Variants in TLN2 observed in about 807,000 individuals in gnomAD.
TLN2 encodes the protein talin 2.
Under a neutral mutation model 294.7 loss-of-function variants are expected in TLN2, and 118 were observed. The observed-to-expected ratio is 0.40, with a 90% confidence interval of 0.34 to 0.47. The LOEUF (loss-of-function observed/expected upper bound fraction) is 0.47, where lower values mean the gene tolerates loss of function less well. Among genes scored for constraint, TLN2 ranks in the 20% least tolerant of loss-of-function variants. TLN2 has a pLI of 0.84. For missense variants in TLN2, 3,083 were observed against 3,282.2 expected, an observed-to-expected ratio of 0.94 and a Z score of 1.48; for synonymous variants, 1,431 against 1,304.5, an observed-to-expected ratio of 1.10 and a Z score of -2.09.
chr15:62,648,330 A>T (rs545253532), intron 4 of TLN2, among the ~76,000 whole-genome samples: 338 of 145,672 alleles, frequency 2.3e-3, no homozygotes, highest in Non-Finnish European at 3.7e-3. Context: ...GTTTCAACCC[A>T]GGAGTTTATG....
intron 1 of TLN2, among the ~76,000 whole-genome samples, chr15:62,492,183 G>A (rs1165596461): frequency 6.6e-6 from 1 of 152,064 alleles, no homozygotes; most frequent in Non-Finnish European, 1.5e-5. Context: ...CGGACGCGGT[G>A]GCTCACGCCT....
intron 1 of TLN2, among the ~76,000 whole-genome samples, chr15:62,469,743 A>C (rs538469441): frequency 1.3e-5 from 2 of 152,234 alleles, no homozygotes; most frequent in Admixed American, 6.5e-5. Flanking sequence ...TAATGAAGGA[A>C]ATATTTTAAT....
chr15:62,726,980 G>A, intron 27 of TLN2, 107 bp from the exon 28 acceptor site: 1 of 1,160,738 alleles, frequency 8.6e-7, no homozygotes, highest in Non-Finnish European at 1.2e-6. Flanking sequence ...TGGTGGGAAA[G>A]AGCTAGGGCT....
chr15:62,689,268 A>G (rs1012656164), intron 12 of TLN2, among the ~76,000 whole-genome samples: 2 of 151,978 alleles, frequency 1.3e-5, no homozygotes, highest in Non-Finnish European at 2.9e-5. Context: ...CCTTACTTCC[A>G]TTTAGGTCTT....
intron 1 of TLN2, among the ~76,000 whole-genome samples, chr15:62,538,473 G>C (rs1220122089): frequency 6.6e-6 from 1 of 152,172 alleles, no homozygotes. Flanking sequence ...GAACTCAGCT[G>C]TGTCAGATGA....
At chr15:62,566,650 G>A (rs1302776818) in intron 1 of TLN2, among the ~76,000 whole-genome samples, 3 of 149,420 alleles carry the variant, frequency 2.0e-5, no homozygotes, top group Non-Finnish European at 4.4e-5. Flanking sequence ...TTGAGATAGG[G>A]CCTTGCTGTG....
intron 55 of TLN2, 21 bp downstream of exon 55, chr15:62,833,650 C>T: frequency 1.2e-6 from 2 of 1,611,610 alleles, no homozygotes; most frequent in East Asian, 2.2e-5. Context: ...CCGCTGACCA[C>T]ATGCGGGACA....
At chr15:62,411,065 A>ACTT (rs1286187031) in intron 1 of TLN2, among the ~76,000 whole-genome samples, 1 of 152,200 alleles carries the variant, frequency 6.6e-6, no homozygotes, top group Non-Finnish European at 1.5e-5. Flanking sequence ...GGTGTCTACC[A>ACTT]AGTGCATGGT....
intron 1 of TLN2, among the ~76,000 whole-genome samples, chr15:62,467,685 A>G (rs371681429): frequency 7.6e-4 from 1 of 1,324 alleles, no homozygotes; most frequent in African/African-American, 8.0e-4. Flanking sequence ...ACTCTGTCTC[A>G]AAAAAAAAAT....
In TLN2 at chr15:62,800,906, G is replaced by C. The variant is rs1312971501; in HGVS notation, c.6477+137G>C. On this transcript the variant is annotated intron_variant, in intron 50 of 58. Coordinates refer to ENST00000636159, the MANE Select transcript of TLN2 (RefSeq NM_015059.3). Reference sequence around the variant, plus strand: ...AGAATGCCCCTTCACCTGCCTGCTGGTAGCTTTATATAATTGAGACCCCAT... The same window carrying C: ...AGAATGCCCCTTCACCTGCCTGCTGCTAGCTTTATATAATTGAGACCCCAT... 4.4e-6 allele frequency: 3 copies of C among 674,824 alleles called. No individual in the cohort carries two copies. The East Asian group carries it at 8.2e-5, about 18-fold the overall frequency. The allele number at this position is 674,824 out of a possible 1,614,324, so 41.8% of individuals were successfully genotyped here. A position where few individuals can be genotyped will look rare whatever the true frequency, so the allele number is the denominator to read the frequency against.
chr15:62,550,195 TA>T, intron 1 of TLN2, among the ~76,000 whole-genome samples: 1 of 152,042 alleles, frequency 6.6e-6, no homozygotes, highest in African/African-American at 2.4e-5. Flanking sequence ...TGTAGGAAGT[TA>T]AAGGCATCAG....
At chr15:62,527,883 A>G (rs2040825143) in intron 1 of TLN2, among the ~76,000 whole-genome samples, 1 of 152,236 alleles carries the variant, frequency 6.6e-6, no homozygotes, top group African/African-American at 2.4e-5. Flanking sequence ...ACTAACCATT[A>G]TGATAGATTT....
chr15:62,648,119 T>C (rs957810574), intron 4 of TLN2, among the ~76,000 whole-genome samples: 2 of 152,054 alleles, frequency 1.3e-5, no homozygotes, highest in Non-Finnish European at 2.9e-5. Context: ...ATGAAACTTA[T>C]CTTAAAAATG....
intron 1 of TLN2, among the ~76,000 whole-genome samples, chr15:62,393,895 C>A (rs1224583984): frequency 2.7e-5 from 4 of 150,266 alleles, no homozygotes; most frequent in Admixed American, 6.6e-5. Flanking sequence ...GTCACCTCAG[C>A]CTTCCAAGTA....
chr15:62,416,822 G>A (rs1373228442), intron 1 of TLN2, among the ~76,000 whole-genome samples: 1 of 152,064 alleles, frequency 6.6e-6, no homozygotes, highest in Admixed American at 6.5e-5. Flanking sequence ...CTGCAGTAAG[G>A]GTGTTGATCT....
chr15:62,547,594 T>A (rs1190275355), intron 1 of TLN2, among the ~76,000 whole-genome samples: 1 of 152,230 alleles, frequency 6.6e-6, no homozygotes, highest in Non-Finnish European at 1.5e-5. Context: ...ACTTTGAAGG[T>A]GGCTGGAACC....
chr15:62,602,682 T>A (rs924608547), intron 2 of TLN2, among the ~76,000 whole-genome samples: 4 of 152,232 alleles, frequency 2.6e-5, no homozygotes, highest in Middle Eastern at 6.8e-3. Flanking sequence ...GTTGTATCCT[T>A]ACATGGCAGA....
intron 57 of TLN2, 143 bp downstream of exon 57, chr15:62,836,216 G>A (rs1037422309): frequency 1.1e-5 from 12 of 1,122,704 alleles, no homozygotes; most frequent in African/African-American, 3.1e-5. Flanking sequence ...CATCTACTGC[G>A]TGCGTCCATG....
chr15:62,620,992 C>G (rs1359940598), intron 3 of TLN2, among the ~76,000 whole-genome samples: 1 of 151,822 alleles, frequency 6.6e-6, no homozygotes, highest in East Asian at 1.9e-4. Flanking sequence ...GCGCCCGCCA[C>G]CACGCCCGGC....
Sources: allele counts gnomAD v4.1 joint callset (sites outside exome capture counted in the v4.1 genomes callset), GRCh38; gene constraint gnomAD v4.1.1; transcripts MANE v1.5; gene names NCBI Gene and HGNC (gene_info 2026-07-23, HGNC 2026-07-21).